Variants in CEACAM6 observed in about 807,000 individuals in gnomAD.
The protein encoded by CEACAM6 is CEA cell adhesion molecule 6, also known as cell adhesion molecule CEACAM6.
In CEACAM6, 21 loss-of-function variants were observed where a neutral mutation model predicts 32.4. The ratio of observed to expected loss-of-function variants is 0.65; its 90% CI spans 0.46 to 0.93. The LOEUF (loss-of-function observed/expected upper bound fraction) is 0.93. Ranked by LOEUF, CEACAM6 falls within the 40% of genes least tolerant of loss-of-function variation. The probability of loss-of-function intolerance (pLI) is 0.00; values close to 1 mark genes in which losing one functional copy is unlikely to be tolerated. For missense variants in CEACAM6, 406 were observed against 432.2 expected (o/e 0.94, Z 0.54); for synonymous variants, 184 against 174.4 (o/e 1.06, Z -0.43).
intron 2 of CEACAM6, chr19:41,758,039 C>CT (rs1406409093): frequency 6.6e-6 from 1 of 152,206 alleles, no homozygotes; most frequent in African/African-American, 2.4e-5. Context: ...GGTTCACTTC[C>CT]TTTTGTCTTG....
chr19:41,763,058 A>C (rs10409763), intron 4 of CEACAM6, among the ~76,000 whole-genome samples: 80,774 of 151,902 alleles, frequency 0.53, 21,822 homozygotes, highest in Middle Eastern at 0.68. Context: ...AGGGGCAGTG[A>C]CAAAAAGTGT....
At chr19:41,767,162 T>G (rs2072961695) in intron 5 of CEACAM6, among the ~76,000 whole-genome samples, 1 of 152,208 alleles carries the variant, frequency 6.6e-6, no homozygotes, top group Non-Finnish European at 1.5e-5. Context: ...TACACATCCC[T>G]GCCCCTTTAC....
chr19:41,766,801 T>C (rs1555822436), intron 5 of CEACAM6, among the ~76,000 whole-genome samples: 1 of 152,048 alleles, frequency 6.6e-6, no homozygotes, highest in African/African-American at 2.4e-5. Context: ...GGTCAGGAGA[T>C]ACAGACCATC....
At chr19:41,769,221 A>G (rs2072977204) in intron 5 of CEACAM6, among the ~76,000 whole-genome samples, 1 of 152,180 alleles carries the variant, frequency 6.6e-6, no homozygotes, top group Non-Finnish European at 1.5e-5. Flanking sequence ...CTCGGATTAC[A>G]GGCATGAACC....
intron 5 of CEACAM6, among the ~76,000 whole-genome samples, chr19:41,766,761 C>T (rs1331968096): frequency 6.6e-6 from 1 of 152,080 alleles, no homozygotes; most frequent in East Asian, 1.9e-4. Context: ...AATCCCAGCC[C>T]CTTGGGAGGC....
intron 2 of CEACAM6, among the ~76,000 whole-genome samples, chr19:41,760,397 A>C (rs1439654814): frequency 6.6e-6 from 1 of 152,186 alleles, no homozygotes; most frequent in Non-Finnish European, 1.5e-5. Flanking sequence ...GCAGCATTTC[A>C]TGCTCCCCCT....
intron 5 of CEACAM6, among the ~76,000 whole-genome samples, chr19:41,769,837 T>C (rs1555822813): frequency 6.7e-6 from 1 of 148,250 alleles, no homozygotes; most frequent in East Asian, 1.9e-4. Context: ...ATTTAACGAC[T>C]AATTGTAATT....
At chr19:41,760,540 A>T (rs1468815289) in intron 2 of CEACAM6, among the ~76,000 whole-genome samples, 2 of 152,202 alleles carry the variant, frequency 1.3e-5, no homozygotes, top group Non-Finnish European at 2.9e-5. Context: ...TCTGCTGGGA[A>T]ATTCAGGCAG....
chr19:41,769,838 A>G (rs1236846924), intron 5 of CEACAM6, among the ~76,000 whole-genome samples: 2 of 148,208 alleles, frequency 1.3e-5, no homozygotes, highest in Admixed American at 1.4e-4. Context: ...TTTAACGACT[A>G]ATTGTAATTG....
At chr19:41,768,694 C>T (rs1158673774) in intron 5 of CEACAM6, among the ~76,000 whole-genome samples, 1 of 151,832 alleles carries the variant, frequency 6.6e-6, no homozygotes, top group Non-Finnish European at 1.5e-5. Flanking sequence ...AGGCGCCCCT[C>T]ACCTCCCAGA....
rs1431102764 is a variant in CEACAM6 at position 41,761,863 on chromosome 19, T to C, written c.704-106T>C. ...ACATAGCGGGGGTTTGGTTGAGACT[T>C]CAGGGTTGTGACATGGCTCAGGGGG... On this transcript the variant is annotated intron_variant, in intron 3 of 5. Transcript: ENST00000199764. 2.5e-5 allele frequency: 35 copies of C among 1,414,268 alleles called. No homozygotes were observed. The Admixed American group carries it at 6.3e-4, about 26-fold the overall frequency. 87.6% of individuals were successfully genotyped at this position (1,414,268 alleles called of 1,614,324 possible). A position where few individuals can be genotyped will look rare whatever the true frequency, so the allele number is the denominator to read the frequency against.
rs142067276 is a variant in CEACAM6, at chr19:41,761,997, C to T, written c.732C>T (p.Pro244=). The T allele has an allele frequency of 8.7e-6, 14 of 1,614,160 alleles. No individual in the cohort carries two copies. Among genetic ancestry groups the T allele is most frequent in the Non-Finnish European group, 1.2e-5 (14 of 1,179,992 alleles). ...LYGPDVPTIS[P]SKANYRPGEN... is the part of the protein sequence containing the mutation. ...GCCCAGATGTCCCCACCATTTCCCC[C>T]TCAAAGGCCAATTACCGTCCAGGGG... The change falls in exon 4 of 6, where the codon CCC becomes CCT. Residue 244 remains proline (P), a synonymous_variant. Coordinates refer to ENST00000199764, the MANE Select transcript of CEACAM6 (RefSeq NM_002483.7).
intron 5 of CEACAM6, among the ~76,000 whole-genome samples, chr19:41,768,723 G>A (rs1319901073): frequency 2.7e-5 from 4 of 147,408 alleles, no homozygotes; most frequent in East Asian, 4.1e-4. Flanking sequence ...CTGGCCGGGC[G>A]GGGGGCTGAC....
At chr19:41,770,151 T>C (rs2072984684) in intron 5 of CEACAM6, among the ~76,000 whole-genome samples, 1 of 149,870 alleles carries the variant, frequency 6.7e-6, no homozygotes, top group South Asian at 2.1e-4. Flanking sequence ...GTAGCTCACG[T>C]CGATAATCCC....
At chr19:41,760,735 T>C (rs2122916252) in intron 2 of CEACAM6, among the ~76,000 whole-genome samples, 1 of 152,310 alleles carries the variant, frequency 6.6e-6, no homozygotes, top group African/African-American at 2.4e-5. Context: ...TTATTTCTGC[T>C]GAAAGGTCCA....
At chr19:41,760,202 C>G (rs2072914067) in intron 2 of CEACAM6, among the ~76,000 whole-genome samples, 1 of 152,240 alleles carries the variant, frequency 6.6e-6, no homozygotes. Context: ...AACCATGATT[C>G]TACTCTGATT....
In CEACAM6 at chr19:41,755,601, C is replaced by T. The variant is rs782322756; in HGVS notation, c.-38C>T. 2 of 1,605,108 alleles carry T rather than the reference C, an allele frequency of 1.2e-6. No homozygotes were observed. Among genetic ancestry groups the T allele is most frequent in the South Asian group, 1.1e-5 (1 of 90,808 alleles). ...CCAGAGCATTCCTGGAGCTCAAGCT[C>T]CTCTACAAAGAGGTGGACAGAGAAG... is the stretch of plus-strand genomic sequence containing the variant. On this transcript the variant is annotated 5_prime_UTR_variant, in exon 1 of 6. Transcript: ENST00000199764.
At chr19:41,768,555 C>G (rs1169408817) in intron 5 of CEACAM6, among the ~76,000 whole-genome samples, 1 of 152,260 alleles carries the variant, frequency 6.6e-6, no homozygotes. Context: ...CACCTTTCCC[C>G]CTTTTCTATT....
intron 2 of CEACAM6, among the ~76,000 whole-genome samples, chr19:41,760,995 G>A (rs1010962186): frequency 5.3e-5 from 8 of 152,210 alleles, no homozygotes; most frequent in African/African-American, 1.9e-4. Flanking sequence ...CGGGTCCTGT[G>A]TCTGTCCATG....
Sources: gnomAD v4.1 joint callset for allele counts (sites outside exome capture counted in the v4.1 genomes callset) on GRCh38, gnomAD v4.1.1 for gene constraint, MANE v1.5 for transcripts, NCBI Gene and HGNC (gene_info 2026-07-23, HGNC 2026-07-21) for gene names.